The following TMEM120B variants were observed in gnomAD, a reference collection of about 807,000 sequenced individuals.
TMEM120B encodes transmembrane protein 120B.
Under a neutral mutation model 55.5 loss-of-function variants are expected in TMEM120B, and 31 were observed. The observed-to-expected ratio is 0.56, with a 90% confidence interval of 0.42 to 0.75. The LOEUF (loss-of-function observed/expected upper bound fraction) is 0.75. Among genes scored for constraint, TMEM120B ranks in the 30% least tolerant of loss-of-function variants. The pLI is 0.00. For synonymous variants in TMEM120B, 203 were observed against 176.3 expected, an observed-to-expected ratio of 1.15 and a Z score of -1.20; for missense variants, 399 against 425.5, an observed-to-expected ratio of 0.94 and a Z score of 0.55.
intron 1 of TMEM120B, among the ~76,000 whole-genome samples, chr12:121,726,071 C>A: frequency 6.8e-6 from 1 of 147,674 alleles, no homozygotes; most frequent in Non-Finnish European, 1.5e-5. Context: ...CACCTCTGGA[C>A]AGAAAGGTGG....
At chr12:121,728,502 AAG>A (rs1894939781) in intron 1 of TMEM120B, among the ~76,000 whole-genome samples, 1 of 151,474 alleles carries the variant, frequency 6.6e-6, no homozygotes, top group Non-Finnish European at 1.5e-5. Flanking sequence ...AAAAAAAAAA[AAG>A]AGAATGGGTT....
At chr12:121,719,303 T>C (rs1157715545) in intron 1 of TMEM120B, among the ~76,000 whole-genome samples, 2 of 150,922 alleles carry the variant, frequency 1.3e-5, no homozygotes, top group African/African-American at 2.4e-5. Flanking sequence ...CTAATAGAAA[T>C]TGTTGGCTGG....
Position 121,779,805 on chromosome 12 carries a change from C to T in TMEM120B, c.*4083C>T. On this transcript the variant is annotated 3_prime_UTR_variant, in exon 12 of 12. Transcript: ENST00000449592. ...CTGTCTGTCTCCTCCATCCTGGCTG[C>T]CCCTCACAGTGTGTGGGTGGAATGG... The T allele has an allele frequency of 3.5e-6, 3 of 847,318 alleles. No homozygotes were observed. 52.5% of individuals were successfully genotyped at this position (847,318 alleles called of 1,614,324 possible).
Position 121,763,991 on chromosome 12 carries a change from G to A in TMEM120B, c.551+2253G>A, listed in dbSNP as rs149858438. ...TCCTGAGGGCAACAGGAAGTTTCAC[G>A]AATGCAACCTTGTAGCTGCACACAG... On this transcript the variant is annotated intron_variant, in intron 6 of 11. Transcript: ENST00000449592. Among the ~76,000 whole-genome samples the A allele has an allele frequency of 6.8e-3, 1,040 of 152,232 alleles. 12 individuals are homozygous for A. The highest frequency in any genetic ancestry group is 0.024 in the African/African-American group (982 of 41,534).
At chr12:121,764,250 G>A (rs576709896) in intron 6 of TMEM120B, among the ~76,000 whole-genome samples, 160 of 152,036 alleles carry the variant, frequency 1.1e-3, no homozygotes, top group Admixed American at 5.0e-3. Context: ...GGCCAGGTGC[G>A]GTGGCTCATG....
intron 2 of TMEM120B, among the ~76,000 whole-genome samples, chr12:121,745,552 C>T (rs887170303): frequency 6.6e-6 from 1 of 151,808 alleles, no homozygotes; most frequent in Non-Finnish European, 1.5e-5. Context: ...CCACCACGCC[C>T]AGCTAATTTT....
intron 1 of TMEM120B, among the ~76,000 whole-genome samples, chr12:121,715,220 A>G (rs1370852415): frequency 2.0e-5 from 3 of 152,022 alleles, no homozygotes; most frequent in Non-Finnish European, 4.4e-5. Context: ...CTATAATCCC[A>G]GATCCTCGAG....
intron 1 of TMEM120B, among the ~76,000 whole-genome samples, chr12:121,740,801 G>A (rs946845379): frequency 6.6e-5 from 10 of 152,158 alleles, no homozygotes; most frequent in Non-Finnish European, 1.3e-4. Context: ...TATACACACT[G>A]TACTATTTAG....
chr12:121,739,373 G>A (rs764723221), intron 1 of TMEM120B, among the ~76,000 whole-genome samples: 1 of 152,140 alleles, frequency 6.6e-6, no homozygotes, highest in East Asian at 1.9e-4. Context: ...AGTGGTATAT[G>A]AGGCCATAGC....
intron 1 of TMEM120B, among the ~76,000 whole-genome samples, chr12:121,730,534 C>A (rs1490426431): frequency 6.6e-6 from 1 of 151,380 alleles, no homozygotes; most frequent in East Asian, 1.9e-4. Flanking sequence ...GCCTGTAGCC[C>A]CAACTACTTG....
chr12:121,775,696 AAC>A lies in TMEM120B; in HGVS notation c.996_997del (p.Asn332LysfsTer58). The A allele has an allele frequency of 6.2e-7, 1 of 1,614,056 alleles. No homozygotes were observed. The highest frequency in any genetic ancestry group is 8.5e-7 in the Non-Finnish European group (1 of 1,179,986). ...AGTCGTGCATGCCAAGCTCCAGAAG[AAC>A]AGAGGCAAGACAAAGCAGCCGTGAG... is the stretch of plus-strand genomic sequence containing the variant. Reference protein sequence around the residue: ...LKVVHAKLQKNRGKTKQP With the variant: ...LKVVHAKLQKXRGKTKQP On this transcript the variant is annotated frameshift_variant, in exon 12 of 12. Transcript: ENST00000449592. LOFTEE classifies it high-confidence loss of function. This position sits in a 1 kb window ranked among gnomAD's most constrained non-coding sequence, Gnocchi z 4.3.
At chr12:121,770,866 T>TGTG in intron 6 of TMEM120B, 41 bp from the exon 7 acceptor site, 1 of 1,599,672 alleles carries the variant, frequency 6.3e-7, no homozygotes, top group Non-Finnish European at 8.6e-7. Flanking sequence ...CCTGCGTTGC[T>TGTG]CTCCCCTCCT....
Position 121,776,218 on chromosome 12 carries a change from C to G in TMEM120B, c.*496C>G. ...TGAGCCCCCTCCTCGCCCACCCCGCCACGTGGTGAGGGTTATTTTAAGTTC... is the reference window on the plus strand; with the variant it reads ...TGAGCCCCCTCCTCGCCCACCCCGCGACGTGGTGAGGGTTATTTTAAGTTC... On this transcript the variant is annotated 3_prime_UTR_variant, in exon 12 of 12. Transcript: ENST00000449592. 1 of 266,662 alleles carries G rather than the reference C, an allele frequency of 3.8e-6. No homozygotes were observed. The highest frequency in any genetic ancestry group is 7.0e-6 in the Non-Finnish European group (1 of 142,752). 16.5% of individuals were successfully genotyped at this position (266,662 alleles called of 1,614,324 possible).
Position 121,775,256 on chromosome 12 carries a change from G to A in TMEM120B, c.906+126G>A. On this transcript the variant is annotated intron_variant, in intron 11 of 11. Coordinates refer to ENST00000449592, the MANE Select transcript of TMEM120B (RefSeq NM_001080825.2). This position sits in a 1 kb window ranked among gnomAD's most constrained non-coding sequence, Gnocchi z 4.3. ...GGGCTGGGATGGCAGATGTGGGGGTGGGGTGTGTGCGTGTGTGTGGTGTGC... is the reference window on the plus strand; with the variant it reads ...GGGCTGGGATGGCAGATGTGGGGGTAGGGTGTGTGCGTGTGTGTGGTGTGC... 1 of 1,119,072 alleles carries A rather than the reference G, an allele frequency of 8.9e-7. No individual in the cohort carries two copies. Among genetic ancestry groups the A allele is most frequent in the Non-Finnish European group, 1.3e-6 (1 of 783,628 alleles). The allele number at this position is 1,119,072 out of a possible 1,614,324, so 69.3% of individuals were successfully genotyped here. A position where few individuals can be genotyped will look rare whatever the true frequency, so the allele number is the denominator to read the frequency against.
chr12:121,774,107 C>T (rs570255826), intron 9 of TMEM120B, among the ~76,000 whole-genome samples: 3 of 152,238 alleles, frequency 2.0e-5, no homozygotes, highest in Admixed American at 2.0e-4. Flanking sequence ...AGGCATGTGC[C>T]ACCACGCCCG....
chr12:121,715,487 T>C (rs1842606381), intron 1 of TMEM120B, among the ~76,000 whole-genome samples: 1 of 152,210 alleles, frequency 6.6e-6, no homozygotes, highest in South Asian at 2.1e-4. Context: ...TGAGGTATGT[T>C]AGGGACAAAG....
At chr12:121,760,589 G>A (rs1396870917) in intron 5 of TMEM120B, among the ~76,000 whole-genome samples, 1 of 152,198 alleles carries the variant, frequency 6.6e-6, no homozygotes, top group East Asian at 1.9e-4. Context: ...GTTAAACACT[G>A]TCATTTTGCC....
chr12:121,732,276 G>A (rs1895016399), intron 1 of TMEM120B, among the ~76,000 whole-genome samples: 2 of 152,236 alleles, frequency 1.3e-5, no homozygotes, highest in Non-Finnish European at 2.9e-5. Context: ...GGTGGAGAAT[G>A]TGTCACACTA....
chr12:121,769,234 G>A (rs911654076), intron 6 of TMEM120B, among the ~76,000 whole-genome samples: 6 of 151,932 alleles, frequency 3.9e-5, no homozygotes, highest in Non-Finnish European at 8.8e-5. Context: ...ATAGCCTCTG[G>A]ACTGGATAGA....
Sources: allele counts gnomAD v4.1 joint callset (sites outside exome capture counted in the v4.1 genomes callset), GRCh38; gene constraint gnomAD v4.1.1; non-coding constraint Gnocchi (gnomAD v3.1); transcripts MANE v1.5; gene names NCBI Gene and HGNC (gene_info 2026-07-23, HGNC 2026-07-21).